MAMLD1: variants seen among roughly 807,000 people sequenced by gnomAD.
MAMLD1 encodes the protein mastermind like domain containing 1.
MAMLD1 carries 14 observed loss-of-function variants against 45.0 expected under a neutral mutation model. The observed-to-expected ratio is 0.31, with a 90% CI of 0.21 to 0.49. MAMLD1 has a LOEUF of 0.49. Among genes scored for constraint, MAMLD1 ranks in the 20% least tolerant of loss-of-function variants. MAMLD1 has a pLI of 0.99. For synonymous variants in MAMLD1, 254 were observed against 247.8 expected (o/e 1.02, Z -0.24); for missense variants, 543 against 603.6 (o/e 0.90, Z 1.05).
At chrX:150,503,031 G>A (rs1285072574) in intron 5 of MAMLD1, among the ~76,000 whole-genome samples, 5 of 112,186 alleles carry the variant, frequency 4.5e-5, no homozygotes, top group Non-Finnish European at 7.5e-5. Flanking sequence ...GGCTGGAAAG[G>A]GGGAGACACC....
At chrX:150,464,007 C>T (rs1557405761) in intron 3 of MAMLD1, among the ~76,000 whole-genome samples, 2 of 112,265 alleles carry the variant, frequency 1.8e-5, no homozygotes, top group African/African-American at 6.5e-5. Context: ...GTGATTACTG[C>T]TCCCCAAGTG....
At chrX:150,394,764 G>A (rs1200085229) in intron 1 of MAMLD1, among the ~76,000 whole-genome samples, 8 of 111,420 alleles carry the variant, frequency 7.2e-5, no homozygotes, top group Non-Finnish European at 1.1e-4. Context: ...ATGTAAGAAT[G>A]TGATTGACCT....
chrX:150,401,296 A>G (rs1328233723), intron 1 of MAMLD1, among the ~76,000 whole-genome samples: 4 of 105,548 alleles, frequency 3.8e-5, no homozygotes, highest in African/African-American at 1.0e-4. Flanking sequence ...AGAGAGCCAA[A>G]TCATGAGTGA....
chrX:150,436,999 A>G (rs1350106731), intron 1 of MAMLD1, among the ~76,000 whole-genome samples: 1 of 110,667 alleles, frequency 9.0e-6, no homozygotes, highest in East Asian at 2.8e-4. Context: ...GGCAAAGCTC[A>G]GCTCAGGACT....
In MAMLD1 at chrX:150,512,184, G is replaced by A. The variant is rs781961110; in HGVS notation, c.*225G>A. On this transcript the variant is annotated 3_prime_UTR_variant, in exon 8 of 8. Coordinates refer to ENST00000370401, the MANE Select transcript of MAMLD1 (RefSeq NM_005491.5). ...GTGATCTCACCAACTCTGGGGAAGC[G>A]GCAAGGAATTTTCACCTCCAGCCCC... 12 of 1,136,980 alleles carry A rather than the reference G, an allele frequency of 1.1e-5. No individual in the cohort carries two copies. In the Middle Eastern group the frequency reaches 9.5e-4, roughly 90 times the overall value. The allele number at this position is 1,136,980 out of a possible 1,213,427, so 93.7% of individuals were successfully genotyped here. A position where few individuals can be genotyped will look rare whatever the true frequency, so the allele number is the denominator to read the frequency against.
chrX:150,474,512 C>A (rs782589682), intron 5 of MAMLD1, among the ~76,000 whole-genome samples: 13 of 112,438 alleles, frequency 1.2e-4, no homozygotes, highest in Non-Finnish European at 2.4e-4. Context: ...CCTGTGCTCC[C>A]AGATCTGTTT....
At chrX:150,505,092 A>C (rs782164007) in intron 6 of MAMLD1, 15 of 752,030 alleles carry the variant, frequency 2.0e-5, no homozygotes, top group Non-Finnish European at 2.4e-5. Context: ...GACAGAAAAC[A>C]AAGGGTAAAA....
At chrX:150,447,008 A>G (rs60645255) in intron 2 of MAMLD1, among the ~76,000 whole-genome samples, 5,875 of 112,200 alleles carry the variant, frequency 0.052, 131 homozygotes, top group Non-Finnish European at 0.06. Context: ...AACACTCTTA[A>G]AAAGTGTGGC....
intron 6 of MAMLD1, chrX:150,504,141 C>T (rs1557408713): frequency 1.3e-6 from 1 of 751,824 alleles, no homozygotes; most frequent in African/African-American, 2.3e-5. Flanking sequence ...GAGTTGGGAT[C>T]ATCCTCTAGA....
At position 150,513,752 on chromosome X, in the gene MAMLD1, C is replaced by A; in HGVS notation, c.*1793C>A. On this transcript the variant is annotated 3_prime_UTR_variant, in exon 8 of 8. Coordinates refer to ENST00000370401, the MANE Select transcript of MAMLD1 (RefSeq NM_005491.5). ...CGCAGAGACAGTGTGTGAGCCGAGC[C>A]CTGTCTCAGCAATCCACCTGGAGGA... The A allele has an allele frequency of 3.4e-6, 1 of 297,236 alleles. No individual in the cohort carries two copies. Among genetic ancestry groups the A allele is most frequent in the South Asian group, 2.0e-4 (1 of 4,964 alleles). 24.5% of individuals were successfully genotyped at this position (297,236 alleles called of 1,213,427 possible).
intron 1 of MAMLD1, among the ~76,000 whole-genome samples, chrX:150,382,912 T>A (rs1280578729): frequency 4.1e-5 from 1 of 24,521 alleles, no homozygotes; most frequent in Non-Finnish European, 7.4e-5. Flanking sequence ...TTTTTTATTT[T>A]TTTTTTTTTT....
intron 4 of MAMLD1, among the ~76,000 whole-genome samples, chrX:150,473,448 C>T (rs1557406684): frequency 8.9e-6 from 1 of 112,405 alleles, no homozygotes; most frequent in Non-Finnish European, 1.9e-5. Flanking sequence ...GTGGCAACCC[C>T]TAGAGTACAG....
At chrX:150,386,442 C>T (rs1557402046) in intron 1 of MAMLD1, among the ~76,000 whole-genome samples, 1 of 111,240 alleles carries the variant, frequency 9.0e-6, no homozygotes, top group African/African-American at 3.3e-5. Context: ...TAGACCACTT[C>T]AACACCTTCA....
chrX:150,418,063 G>C (rs1160156420), intron 1 of MAMLD1, among the ~76,000 whole-genome samples: 1 of 110,687 alleles, frequency 9.0e-6, no homozygotes, highest in Non-Finnish European at 1.9e-5. Context: ...GAATCCATCT[G>C]GTCCTGGACT....
intron 5 of MAMLD1, among the ~76,000 whole-genome samples, chrX:150,477,390 C>T (rs2036610961): frequency 8.9e-6 from 1 of 112,261 alleles, no homozygotes; most frequent in South Asian, 3.8e-4. Flanking sequence ...TAGTCAGCCT[C>T]GGCTCAGCAT....
chrX:150,493,425 T>C (rs1471871265), intron 5 of MAMLD1, among the ~76,000 whole-genome samples: 6 of 112,541 alleles, frequency 5.3e-5, no homozygotes, highest in Non-Finnish European at 7.5e-5. Flanking sequence ...TTTCTACTTA[T>C]GTGATTCTGG....
At chrX:150,372,614 G>A (rs2032080548) in intron 1 of MAMLD1, among the ~76,000 whole-genome samples, 2 of 112,295 alleles carry the variant, frequency 1.8e-5, no homozygotes, top group Non-Finnish European at 3.8e-5. Flanking sequence ...TTTGCTGCAC[G>A]AACATGTTGT....
chrX:150,429,293 T>C (rs1602770064), intron 1 of MAMLD1, among the ~76,000 whole-genome samples: 3 of 109,558 alleles, frequency 2.7e-5, no homozygotes. Flanking sequence ...GGGTGGGAAT[T>C]GGTTTTTTTT....
At chrX:150,429,109 A>C (rs1557403929) in intron 1 of MAMLD1, among the ~76,000 whole-genome samples, 1 of 110,575 alleles carries the variant, frequency 9.0e-6, no homozygotes, top group African/African-American at 3.3e-5. Context: ...TATCTGGATG[A>C]GGGAGTTAGT....
Sources: gnomAD v4.1 joint callset for allele counts (sites outside exome capture counted in the v4.1 genomes callset) on GRCh38, gnomAD v4.1.1 for gene constraint, MANE v1.5 for transcripts, NCBI Gene and HGNC (gene_info 2026-07-23, HGNC 2026-07-21) for gene names.